Variants in MAPK8 observed in about 807,000 individuals in gnomAD.
The protein encoded by MAPK8 is JUN N-terminal kinase.
In MAPK8, 13 loss-of-function variants were observed where a neutral mutation model predicts 52.9. The observed-to-expected ratio is 0.25, with a 90% CI of 0.16 to 0.39. The LOEUF is 0.39. Among genes scored for constraint, MAPK8 ranks in the 10% least tolerant of loss-of-function variants. The pLI, the probability that MAPK8 is intolerant of heterozygous loss-of-function variation, is 1.00. For missense variants in MAPK8, 300 were observed against 519.2 expected, an observed-to-expected ratio of 0.58 and a Z score of 4.10; for synonymous variants, 191 against 169.8, an observed-to-expected ratio of 1.12 and a Z score of -0.97.
chr10:48,313,396 ACACTC>A (rs1474074450), intron 1 of MAPK8, among the ~76,000 whole-genome samples: 3 of 134,444 alleles, frequency 2.2e-5, no homozygotes, highest in African/African-American at 8.6e-5. Flanking sequence ...TCGTGCCACT[ACACTC>A]CAGCCTGGGC....
At position 48,439,007 on chromosome 10, in the gene MAPK8, AATTACGTGT is replaced by A. The variant is rs2045084216; in HGVS notation, c.*3979_*3987del. ...TTAGCTGAATAATGAAGTTAGACTG[AATTACGTGT>A]CTCCCTGGACTGTGACATCTATTTT... On this transcript the variant is annotated 3_prime_UTR_variant, in exon 12 of 12. Transcript: ENST00000374189. 6.6e-6 allele frequency: 1 copy of A among 152,162 alleles called. No individual in the cohort carries two copies. Among genetic ancestry groups the A allele is most frequent in the African/African-American group, 2.4e-5 (1 of 41,426 alleles). The allele number at this position is 152,162 out of a possible 1,614,324, so 9.4% of individuals were successfully genotyped here.
intron 1 of MAPK8, among the ~76,000 whole-genome samples, chr10:48,379,253 C>T (rs531303276): frequency 2.0e-5 from 3 of 152,210 alleles, no homozygotes; most frequent in East Asian, 3.9e-4. Context: ...CTTTACATAC[C>T]GCAAGTCAGG....
intron 1 of MAPK8, among the ~76,000 whole-genome samples, chr10:48,333,616 A>T (rs1588971939): frequency 6.7e-6 from 1 of 150,374 alleles, no homozygotes; most frequent in Non-Finnish European, 1.5e-5. Flanking sequence ...TCTGAGGACC[A>T]CTGCAAGTGA....
intron 1 of MAPK8, among the ~76,000 whole-genome samples, chr10:48,334,742 G>A (rs866835902): frequency 2.6e-5 from 4 of 152,094 alleles, no homozygotes; most frequent in Admixed American, 6.6e-5. Context: ...ACATTCACCC[G>A]TCCAAACCCA....
intron 7 of MAPK8, chr10:48,425,512 A>G (rs939154948): frequency 6.2e-5 from 21 of 338,922 alleles, no homozygotes; most frequent in African/African-American, 4.0e-4. Flanking sequence ...GTTTTCTGAT[A>G]AATTGACAGA....
In MAPK8 at chr10:48,421,735, TGGA is replaced by T. The variant is rs1338016090; in HGVS notation, c.616+1418_616+1420del. ...ATGAGAATCGCTTGAACCCGGGAGG[TGGA>T]GGTTACAGTGAGCCGAGATTGCACC... is the stretch of plus-strand genomic sequence containing the variant. On this transcript the variant is annotated intron_variant, in intron 6 of 11. Coordinates refer to ENST00000374189, the MANE Select transcript of MAPK8 (RefSeq NM_001323329.2). 2.4e-4 allele frequency among the ~76,000 whole-genome samples: 36 copies of T among 151,882 alleles called. No homozygotes were observed. The East Asian group carries it at 7.0e-3, about 29-fold the overall frequency.
intron 1 of MAPK8, among the ~76,000 whole-genome samples, chr10:48,388,113 A>G (rs979776919): frequency 1.3e-5 from 2 of 152,186 alleles, no homozygotes. Flanking sequence ...TGGTATAGGT[A>G]GGGAATTCTA....
At chr10:48,431,648 C>A (rs2044277853) in intron 11 of MAPK8, among the ~76,000 whole-genome samples, 1 of 152,066 alleles carries the variant, frequency 6.6e-6, no homozygotes, top group Non-Finnish European at 1.5e-5. Flanking sequence ...CATGTAATAC[C>A]AAATTGCTGT....
At chr10:48,307,320 C>G (rs1438697161) in intron 1 of MAPK8, among the ~76,000 whole-genome samples, 2 of 152,220 alleles carry the variant, frequency 1.3e-5, no homozygotes, top group African/African-American at 4.8e-5. Context: ...TCGATGCTTT[C>G]TTTGTGCTAA....
At chr10:48,319,223 G>T (rs1164269013) in intron 1 of MAPK8, among the ~76,000 whole-genome samples, 1 of 152,184 alleles carries the variant, frequency 6.6e-6, no homozygotes, top group Non-Finnish European at 1.5e-5. Context: ...AAGGGACTAA[G>T]AATTTTTTAA....
intron 1 of MAPK8, among the ~76,000 whole-genome samples, chr10:48,357,445 A>T (rs1043584304): frequency 2.6e-5 from 4 of 152,084 alleles, no homozygotes; most frequent in Non-Finnish European, 5.9e-5. Flanking sequence ...CCTATGCTGG[A>T]GTGCGGTGGC....
At chr10:48,366,354 A>G (rs1317354678) in intron 1 of MAPK8, among the ~76,000 whole-genome samples, 3 of 152,204 alleles carry the variant, frequency 2.0e-5, no homozygotes. Flanking sequence ...GGTTCAGAAT[A>G]CTACCACTTA....
chr10:48,310,164 C>T (rs1374319438), intron 1 of MAPK8, among the ~76,000 whole-genome samples: 1 of 152,168 alleles, frequency 6.6e-6, no homozygotes. Context: ...GCCATCTGGA[C>T]TTTGTCATCA....
intron 1 of MAPK8, among the ~76,000 whole-genome samples, chr10:48,378,008 A>T (rs1332463628): frequency 2.0e-5 from 3 of 152,196 alleles, no homozygotes; most frequent in Non-Finnish European, 4.4e-5. Context: ...AGAATGAGGC[A>T]TGACTGCTGT....
At chr10:48,432,654 A>G (rs927363955) in intron 11 of MAPK8, among the ~76,000 whole-genome samples, 5 of 152,234 alleles carry the variant, frequency 3.3e-5, no homozygotes, top group Non-Finnish European at 7.3e-5. Context: ...ATACTTTAGC[A>G]TACTATCCAA....
At chr10:48,388,464 A>C (rs962378093) in intron 1 of MAPK8, among the ~76,000 whole-genome samples, 5 of 152,142 alleles carry the variant, frequency 3.3e-5, no homozygotes, top group Non-Finnish European at 7.4e-5. Flanking sequence ...AAGAGAGGGA[A>C]GTAGTATGCC....
rs181393347 is a variant in MAPK8 at position 48,308,440 on chromosome 10, A to G, written c.-50+1619A>G. Among the ~76,000 whole-genome samples the G allele has an allele frequency of 2.0e-5, 3 of 152,364 alleles. No homozygotes were observed. The East Asian group carries it at 5.8e-4, about 29-fold the overall frequency. On this transcript the variant is annotated intron_variant, in intron 1 of 11. Transcript: ENST00000374189. ...AGATGGCTAAATGGTCAGTTCATGTACATTATCTGTTATGATGACATGGGC... is the reference window on the plus strand; with the variant it reads ...AGATGGCTAAATGGTCAGTTCATGTGCATTATCTGTTATGATGACATGGGC...
rs780878772 is a variant in MAPK8 at position 48,331,894 on chromosome 10, G to A, written c.-50+25073G>A. On this transcript the variant is annotated intron_variant, in intron 1 of 11. Transcript: ENST00000374189. ...AAGGAGTACTATTGGGAGACATTTG[G>A]TCCAGGGTATTTTAGTTTCTAGATT... 6.1e-4 allele frequency among the ~76,000 whole-genome samples: 93 copies of A among 152,232 alleles called. 2 individuals are homozygous for A. The highest frequency in any genetic ancestry group is 3.4e-3 in the Middle Eastern group (1 of 294).
Position 48,411,865 on chromosome 10 carries a change from C to T in MAPK8, c.450+1697C>T, listed in dbSNP as rs1284358463. On this transcript the variant is annotated intron_variant, in intron 5 of 11. Transcript: ENST00000374189. ...TTTCTCCACCCTCTCCTCTCTTCCC[C>T]TCCCCTCCCCTCCCCTCCCATTTGT... Among the ~76,000 whole-genome samples, 19 of 137,004 alleles carry T rather than the reference C, an allele frequency of 1.4e-4. 2 individuals carry two copies. The allele number at this position is 137,004 out of a possible 152,430, so 89.9% of individuals were successfully genotyped here. A position where few individuals can be genotyped will look rare whatever the true frequency, so the allele number is the denominator to read the frequency against.
Sources: gnomAD v4.1 joint callset for allele counts (sites outside exome capture counted in the v4.1 genomes callset) on GRCh38, gnomAD v4.1.1 for gene constraint, MANE v1.5 for transcripts, NCBI Gene and HGNC (gene_info 2026-07-23, HGNC 2026-07-21) for gene names.